Variants in STAG1 observed in about 807,000 individuals in gnomAD.
The protein encoded by STAG1 is STAG1 cohesin complex component.
A neutral mutation model predicts 170.9 loss-of-function variants in STAG1; 26 were observed. The ratio of observed to expected loss-of-function variants is 0.15; its 90% CI spans 0.11 to 0.21. STAG1 has a LOEUF of 0.21. Ranked by LOEUF, STAG1 falls within the 10% of genes least tolerant of loss-of-function variation. The pLI, the probability that STAG1 is intolerant of heterozygous loss-of-function variation, is 1.00. For missense variants in STAG1, 964 were observed against 1,509.5 expected (o/e 0.64, Z 5.99); for synonymous variants, 514 against 497.7 (o/e 1.03, Z -0.44).
intron 9 of STAG1, among the ~76,000 whole-genome samples, chr3:136,489,877 C>G (rs182434781): frequency 6.6e-6 from 1 of 151,816 alleles, no homozygotes; most frequent in East Asian, 1.9e-4. Context: ...CACAGAAGCA[C>G]GTAAAATGGA....
chr3:136,550,566 C>T (rs187794347), intron 5 of STAG1, among the ~76,000 whole-genome samples: 1 of 152,144 alleles, frequency 6.6e-6, no homozygotes, highest in Non-Finnish European at 1.5e-5. Flanking sequence ...CTCAGCCTCA[C>T]AAATTGCTGG....
At chr3:136,477,899 C>G (rs2107822534) in intron 9 of STAG1, among the ~76,000 whole-genome samples, 1 of 152,224 alleles carries the variant, frequency 6.6e-6, no homozygotes, top group South Asian at 2.1e-4. Flanking sequence ...AAGTGATTCT[C>G]CTGCCTCAGC....
chr3:136,542,269 C>A lies in STAG1; in HGVS notation c.395-74G>T. 6 of 1,079,592 alleles carry A rather than the reference C, an allele frequency of 5.6e-6. No individual in the cohort carries two copies. The South Asian group carries it at 8.0e-5, about 14-fold the overall frequency. The allele number at this position is 1,079,592 out of a possible 1,614,324, so 66.9% of individuals were successfully genotyped here. A position where few individuals can be genotyped will look rare whatever the true frequency, so the allele number is the denominator to read the frequency against. On this transcript the variant is annotated intron_variant, in intron 5 of 33. Transcript: ENST00000383202. ...CAATTTCCACTCTCTCAAGCATTAACAAGTTATCTGTGAGAATCCCAAAAG... is the reference window on the plus strand; with the variant it reads ...CAATTTCCACTCTCTCAAGCATTAAAAAGTTATCTGTGAGAATCCCAAAAG...
At chr3:136,729,546 A>G (rs1191997870) in intron 1 of STAG1, among the ~76,000 whole-genome samples, 1 of 151,524 alleles carries the variant, frequency 6.6e-6, no homozygotes, top group African/African-American at 2.4e-5. Flanking sequence ...GTACTTTGAA[A>G]TATCTACAAC....
intron 15 of STAG1, among the ~76,000 whole-genome samples, chr3:136,437,229 GCA>G (rs2088485709): frequency 6.6e-6 from 1 of 152,212 alleles, no homozygotes; most frequent in African/African-American, 2.4e-5. Context: ...ACTCAACCTT[GCA>G]CAGTGTTCAA....
chr3:136,422,395 A>T lies in STAG1; in HGVS notation c.2037+15T>A, dbSNP rs1559791803. ...GTCAATATTATTATATGTACACATTAACTTTAGAACAGACCTCTTGCAATA... is the reference window on the plus strand; with the variant it reads ...GTCAATATTATTATATGTACACATTTACTTTAGAACAGACCTCTTGCAATA... On this transcript the variant is annotated intron_variant, in intron 19 of 33. Coordinates refer to ENST00000383202, the MANE Select transcript of STAG1 (RefSeq NM_005862.3). The T allele has an allele frequency of 6.2e-7, 1 of 1,606,444 alleles. No individual in the cohort carries two copies. Among genetic ancestry groups the T allele is most frequent in the Non-Finnish European group, 8.5e-7 (1 of 1,173,302 alleles).
chr3:136,437,950 T>G (rs1235219184), intron 15 of STAG1, among the ~76,000 whole-genome samples: 5 of 152,186 alleles, frequency 3.3e-5, no homozygotes, highest in African/African-American at 1.2e-4. Context: ...ATGAAAGGGA[T>G]TTTTCTTAAA....
intron 1 of STAG1, among the ~76,000 whole-genome samples, chr3:136,751,865 G>A (rs1396636165): frequency 1.3e-5 from 2 of 150,688 alleles, no homozygotes. Context: ...AAAGGCTTCC[G>A]CGCCTGTCGC....
chr3:136,662,825 G>A (rs1249023077), intron 1 of STAG1, among the ~76,000 whole-genome samples: 3 of 152,196 alleles, frequency 2.0e-5, no homozygotes, highest in Non-Finnish European at 4.4e-5. Context: ...GCCAACGTGC[G>A]TGGATCACCT....
chr3:136,617,265 A>G (rs1233026567), intron 3 of STAG1, among the ~76,000 whole-genome samples: 1 of 152,126 alleles, frequency 6.6e-6, no homozygotes, highest in African/African-American at 2.4e-5. Context: ...GTAGCAGGGG[A>G]AATTGAGAGG....
intron 16 of STAG1, among the ~76,000 whole-genome samples, chr3:136,424,141 T>A (rs553684998): frequency 6.4e-4 from 98 of 152,170 alleles, no homozygotes; most frequent in African/African-American, 2.3e-3. Flanking sequence ...CTTTTAAGCA[T>A]ATAAAATAAT....
intron 4 of STAG1, among the ~76,000 whole-genome samples, chr3:136,578,036 C>G (rs746708911): frequency 1.3e-5 from 2 of 152,240 alleles, no homozygotes; most frequent in Non-Finnish European, 2.9e-5. Flanking sequence ...TATACACATG[C>G]AGCCCCATTC....
intron 30 of STAG1, among the ~76,000 whole-genome samples, chr3:136,341,890 G>A (rs906035267): frequency 6.6e-6 from 1 of 152,176 alleles, no homozygotes; most frequent in Non-Finnish European, 1.5e-5. Flanking sequence ...TGTTGGCTTG[G>A]CAGCTGAAAG....
rs949284679 is a variant in STAG1 at position 136,472,943 on chromosome 3, C to T, written c.1126-451G>A. Among the ~76,000 whole-genome samples the T allele has an allele frequency of 5.3e-5, 8 of 152,300 alleles. No homozygotes were observed. In the East Asian group the frequency reaches 1.3e-3, roughly 26 times the overall value. On this transcript the variant is annotated intron_variant, in intron 11 of 33. Transcript: ENST00000383202. ...GTAACCTGTTAGGAACTGGGCCACA[C>T]AGCAAGGGGTTAGTGGTGTGGGAGC...
chr3:136,532,247 C>T (rs1232301829), intron 6 of STAG1, among the ~76,000 whole-genome samples: 1 of 152,036 alleles, frequency 6.6e-6, no homozygotes, highest in Non-Finnish European at 1.5e-5. Context: ...TGGTATATTA[C>T]CTTTTTGATG....
intron 1 of STAG1, among the ~76,000 whole-genome samples, chr3:136,740,841 G>A (rs373626974): frequency 3.4e-4 from 52 of 152,142 alleles, no homozygotes; most frequent in African/African-American, 9.2e-4. Context: ...GACAGGATAC[G>A]AGTATGTAAT....
At chr3:136,706,934 C>T (rs567862161) in intron 1 of STAG1, among the ~76,000 whole-genome samples, 2 of 152,248 alleles carry the variant, frequency 1.3e-5, no homozygotes, top group African/African-American at 2.4e-5. Flanking sequence ...GACAAGGGTA[C>T]ACGACAATTC....
At chr3:136,736,453 G>A (rs1046791494) in intron 1 of STAG1, 126 of 1,236,872 alleles carry the variant, frequency 1.0e-4, no homozygotes, top group African/African-American at 6.7e-4. Flanking sequence ...CAGGAAGGGA[G>A]ATAGCAGGGG....
At chr3:136,727,644 C>A (rs1576819405) in intron 1 of STAG1, among the ~76,000 whole-genome samples, 1 of 152,142 alleles carries the variant, frequency 6.6e-6, no homozygotes, top group East Asian at 1.9e-4. Context: ...TCTCTAGGAA[C>A]ACAACATGCT....
Sources: gnomAD v4.1 joint callset for allele counts (sites outside exome capture counted in the v4.1 genomes callset) on GRCh38, gnomAD v4.1.1 for gene constraint, MANE v1.5 for transcripts, NCBI Gene and HGNC (gene_info 2026-07-23, HGNC 2026-07-21) for gene names.